The following BCLAF1 variants were observed in gnomAD, a reference collection of about 807,000 sequenced individuals.
BCLAF1 encodes bcl-2-associated transcription factor 1.
A neutral mutation model predicts 99.5 loss-of-function variants in BCLAF1; 10 were observed. That is an observed-to-expected ratio of 0.10 (90% CI 0.06 to 0.17). BCLAF1 has a LOEUF of 0.17. Ranked by LOEUF, BCLAF1 falls within the 10% of genes least tolerant of loss-of-function variation. BCLAF1 has a pLI of 1.00. For synonymous variants in BCLAF1, 255 were observed against 370.9 expected (o/e 0.69, Z 3.59); for missense variants, 636 against 1,105.8 (o/e 0.58, Z 6.02).
At chr6:136,280,254 C>T (rs959880963) in intron 2 of BCLAF1, among the ~76,000 whole-genome samples, 40 of 152,258 alleles carry the variant, frequency 2.6e-4, no homozygotes, top group African/African-American at 8.7e-4. Context: ...AATAAAGGTA[C>T]TACAGATAAG....
intron 1 of BCLAF1, among the ~76,000 whole-genome samples, chr6:136,286,415 G>C (rs1785137922): frequency 6.6e-6 from 1 of 152,080 alleles, no homozygotes; most frequent in South Asian, 2.1e-4. Context: ...TTTTTTTGTT[G>C]TTGTTGTTTT....
Position 136,261,457 on chromosome 6 carries a change from A to G in BCLAF1, c.2565T>C (p.Gly855=), listed in dbSNP as rs1329775493. The G allele has an allele frequency of 6.2e-7, 1 of 1,613,458 alleles. No individual in the cohort carries two copies. Among genetic ancestry groups the G allele is most frequent in the Non-Finnish European group, 8.5e-7 (1 of 1,179,674 alleles). Residue 855 remains glycine (G), a synonymous_variant, in exon 12 of 13, where the codon GGT becomes GGC. Transcript: ENST00000531224. Reference sequence around the variant, plus strand: ...TTCCTCTTTTGGCCCAATAATCCACACCATCATCTCTGTCGTCATGCTACA... The same window carrying G: ...TTCCTCTTTTGGCCCAATAATCCACGCCATCATCTCTGTCGTCATGCTACA... The part of the protein sequence containing the change: ...KYFLHDDRDD[G]VDYWAKRGRG...
At chr6:136,261,808 T>C (rs1781047516) in intron 11 of BCLAF1, among the ~76,000 whole-genome samples, 1 of 152,132 alleles carries the variant, frequency 6.6e-6, no homozygotes, top group Non-Finnish European at 1.5e-5. Context: ...CCACTTATTA[T>C]TACACCAAAT....
At chr6:136,274,672 A>T (rs1380535761) in intron 6 of BCLAF1, among the ~76,000 whole-genome samples, 8 of 152,062 alleles carry the variant, frequency 5.3e-5, no homozygotes, top group Non-Finnish European at 1.0e-4. Context: ...GATTAATTTT[A>T]AAGGCCAACA....
At chr6:136,269,771 A>C in intron 8 of BCLAF1, 159 bp from the exon 9 acceptor site, 1 of 493,712 alleles carries the variant, frequency 2.0e-6, no homozygotes, top group Non-Finnish European at 3.3e-6. Context: ...TTTTTGTTAA[A>C]AAATGTACTT....
chr6:136,284,544 C>G (rs995286401), intron 1 of BCLAF1, among the ~76,000 whole-genome samples: 2 of 152,020 alleles, frequency 1.3e-5, no homozygotes, highest in Admixed American at 6.6e-5. Context: ...ATCTAAATAC[C>G]AACCATGTGC....
In BCLAF1 at chr6:136,258,109, T is replaced by G. The variant is rs573972407; in HGVS notation, c.*3001A>C. On this transcript the variant is annotated 3_prime_UTR_variant, in exon 13 of 13. Coordinates refer to ENST00000531224, the MANE Select transcript of BCLAF1 (RefSeq NM_014739.3). The stretch of plus-strand genomic sequence containing the variant: ...GTTTGTCTTAGTACACAAATTTCTG[T>G]GAAAATGCTTTGTTAAAACTGACAG... The G allele has an allele frequency of 6.6e-6, 1 of 152,100 alleles. No homozygotes were observed. Among genetic ancestry groups the G allele is most frequent in the South Asian group, 2.1e-4 (1 of 4,830 alleles). 9.4% of individuals were successfully genotyped at this position (152,100 alleles called of 1,614,324 possible).
chr6:136,280,209 T>A (rs1784186315), intron 2 of BCLAF1, among the ~76,000 whole-genome samples: 1 of 152,040 alleles, frequency 6.6e-6, no homozygotes, highest in Admixed American at 6.6e-5. Context: ...CCACGCCCAA[T>A]ACAAATGCCT....
At position 136,261,778 on chromosome 6, in the gene BCLAF1, TTTA is replaced by T. The variant is rs1412836831; in HGVS notation, c.2545-304_2545-302del. Among the ~76,000 whole-genome samples, 12 of 152,280 alleles carry T rather than the reference TTTA, an allele frequency of 7.9e-5. No individual in the cohort carries two copies. The East Asian group carries it at 2.1e-3, about 27-fold the overall frequency. Reference sequence around the variant, plus strand: ...TTTTTAGAATCCTGAGTTTTGTTTTTTTATTATGTCAATCCAAGTCCACTTATT... The same window carrying T: ...TTTTTAGAATCCTGAGTTTTGTTTTTTTATGTCAATCCAAGTCCACTTATT... On this transcript the variant is annotated intron_variant, in intron 11 of 12. Transcript: ENST00000531224.
chr6:136,288,393 G>A (rs574638538), intron 1 of BCLAF1, among the ~76,000 whole-genome samples: 31 of 152,284 alleles, frequency 2.0e-4, no homozygotes, highest in Admixed American at 1.0e-3. Context: ...TCCTGAATTG[G>A]TCATGATCAA....
In BCLAF1 at chr6:136,257,762, C is replaced by A. The variant is rs1780541479; in HGVS notation, c.*3348G>T. The A allele has an allele frequency of 6.6e-6, 1 of 152,120 alleles. No individual in the cohort carries two copies. Among genetic ancestry groups the A allele is most frequent in the Non-Finnish European group, 1.5e-5 (1 of 67,972 alleles). The allele number at this position is 152,120 out of a possible 1,614,324, so 9.4% of individuals were successfully genotyped here. On this transcript the variant is annotated 3_prime_UTR_variant, in exon 13 of 13. Coordinates refer to ENST00000531224, the MANE Select transcript of BCLAF1 (RefSeq NM_014739.3). ...CTCCATTTGCCTTTCCTCTTCAACT[C>A]TGTAAATTGAGAAAGGCCTCTGAAC... is the stretch of plus-strand genomic sequence containing the variant.
chr6:136,271,968 GAAA>G lies in BCLAF1; in HGVS notation c.2043+24_2043+26del, dbSNP rs758993874. ...TCATTAACTAAGCTGAACTTAACACGAAAAAAAATTACATTCAAAAACATACCT... is the reference window on the plus strand; with the variant it reads ...TCATTAACTAAGCTGAACTTAACACGAAAAATTACATTCAAAAACATACCT... On this transcript the variant is annotated intron_variant, in intron 8 of 12. Transcript: ENST00000531224. 2.6e-6 allele frequency: 4 copies of G among 1,527,954 alleles called. No individual in the cohort carries two copies. The African/African-American group carries it at 5.5e-5, about 21-fold the overall frequency. The allele number at this position is 1,527,954 out of a possible 1,614,324, so 94.6% of individuals were successfully genotyped here.
intron 2 of BCLAF1, among the ~76,000 whole-genome samples, chr6:136,281,103 TA>T (rs1784336261): frequency 6.6e-6 from 1 of 152,144 alleles, no homozygotes; most frequent in Non-Finnish European, 1.5e-5. Context: ...TCAAGCAATA[TA>T]AATAACAAAT....
intron 11 of BCLAF1, among the ~76,000 whole-genome samples, chr6:136,264,533 C>T (rs1159106578): frequency 2.6e-5 from 4 of 152,090 alleles, no homozygotes; most frequent in Admixed American, 2.0e-4. Flanking sequence ...AATGTTTCAT[C>T]CAAATGTGCA....
rs754592836 is a variant in BCLAF1, at chr6:136,277,850, T to C, written c.1016+15A>G. 1.6e-5 allele frequency: 25 copies of C among 1,602,516 alleles called. No individual in the cohort carries two copies. Among genetic ancestry groups the C allele is most frequent in the Non-Finnish European group, 1.7e-6 (2 of 1,174,828 alleles). ...AAACAATATTATAATCTAGATTCTG[T>C]ATTTTAGTTTTTACCTTTTTAAGAA... On this transcript the variant is annotated intron_variant, in intron 4 of 12. Transcript: ENST00000531224.
chr6:136,261,305 T>A lies in BCLAF1; in HGVS notation c.2717A>T (p.Glu906Val). The A allele has an allele frequency of 1.9e-6, 3 of 1,613,922 alleles. No homozygotes were observed. Among genetic ancestry groups the A allele is most frequent in the Non-Finnish European group, 2.5e-6 (3 of 1,179,874 alleles). The change falls in exon 12 of 13, where the codon GAA becomes GTA. Residue 906 changes from glutamate to valine, a missense_variant. Glu to Val is a moderately radical substitution (Grantham distance 121, BLOSUM62 -2). Around this residue, in one of 9 missense-constraint regions of BCLAF1, gnomAD observed 57 missense variants for 116.7 expected, o/e 0.49. Coordinates refer to ENST00000531224, the MANE Select transcript of BCLAF1 (RefSeq NM_014739.3). ...TCTGTCCTTCTTTTCTTCATTATTT[T>A]CCATGGTCTCTTCTTCATCTTCAAC... The part of the protein sequence containing the change: ...GIVEDEEETM[E>V]NNEEKKDRRK...
chr6:136,279,146 AT>A (rs1441898404), intron 3 of BCLAF1, among the ~76,000 whole-genome samples: 1 of 152,136 alleles, frequency 6.6e-6, no homozygotes, highest in Non-Finnish European at 1.5e-5. Context: ...ATATAGTTAA[AT>A]GGGGGAAAAG....
At chr6:136,269,806 T>C (rs545439402) in intron 8 of BCLAF1, 194 bp from the exon 9 acceptor site, 232 of 420,620 alleles carry the variant, frequency 5.5e-4, no homozygotes, top group African/African-American at 4.5e-3. Flanking sequence ...AACATTTGTG[T>C]ATACAAAGTG....
intron 6 of BCLAF1, chr6:136,274,105 C>G: frequency 7.8e-7 from 1 of 1,288,490 alleles, no homozygotes. Flanking sequence ...GCCAGGAAGA[C>G]AGAAGATTCA....
Sources: allele counts gnomAD v4.1 joint callset (sites outside exome capture counted in the v4.1 genomes callset), GRCh38; gene constraint gnomAD v4.1.1; regional missense constraint gnomAD v4.1.1; transcripts MANE v1.5; gene names NCBI Gene and HGNC (gene_info 2026-07-23, HGNC 2026-07-21).